Variants in PIK3AP1 observed in about 807,000 individuals in gnomAD.
PIK3AP1 encodes phosphoinositide-3-kinase adaptor protein 1, also known as phosphoinositide 3-kinase adapter protein 1.
Under a neutral mutation model 88.1 loss-of-function variants are expected in PIK3AP1, and 21 were observed. The observed-to-expected ratio is 0.24, with a 90% CI of 0.17 to 0.34. The LOEUF is 0.34. PIK3AP1 is among the 10% of genes least tolerant of loss of function. The pLI, the probability that PIK3AP1 is intolerant of heterozygous loss-of-function variation, is 1.00. For synonymous variants in PIK3AP1, 398 were observed against 400.0 expected (o/e 1.00, Z 0.06); for missense variants, 828 against 1,035.7 (o/e 0.80, Z 2.75).
intron 2 of PIK3AP1, among the ~76,000 whole-genome samples, chr10:96,661,837 A>C (rs1227978434): frequency 3.6e-4 from 47 of 129,618 alleles, no homozygotes; most frequent in Admixed American, 3.2e-3. Flanking sequence ...CAGGAAAGGA[A>C]AGGGAAAAGG....
chr10:96,636,914 ACC>A lies in PIK3AP1; in HGVS notation c.1376-8423_1376-8422del, dbSNP rs372006247. On this transcript the variant is annotated intron_variant, in intron 8 of 16. Coordinates refer to ENST00000339364, the MANE Select transcript of PIK3AP1 (RefSeq NM_152309.3). ...ACAGCAATAGTGAATTCTCAAAGAC[ACC>A]CATATGATACTCCTCCTGGGACACA... Among the ~76,000 whole-genome samples the A allele has an allele frequency of 6.6e-5, 10 of 152,218 alleles. No individual in the cohort carries two copies. The East Asian group carries it at 1.5e-3, about 23-fold the overall frequency.
intron 16 of PIK3AP1, among the ~76,000 whole-genome samples, chr10:96,598,528 C>G (rs7089654): frequency 0.99 from 151,236 of 152,248 alleles, 75,124 homozygotes; most frequent in Middle Eastern, 1. Context: ...GTATGTGCCA[C>G]TTACTCTGCC....
intron 2 of PIK3AP1, among the ~76,000 whole-genome samples, chr10:96,684,326 C>T (rs1844041114): frequency 6.6e-6 from 1 of 152,172 alleles, no homozygotes; most frequent in African/African-American, 2.4e-5. Context: ...ATAATATATA[C>T]AAGAAAAACG....
intron 2 of PIK3AP1, among the ~76,000 whole-genome samples, chr10:96,701,546 T>A (rs544457908): frequency 6.4e-4 from 98 of 152,318 alleles, no homozygotes; most frequent in Non-Finnish European, 9.3e-4. Flanking sequence ...ATTCATCTTC[T>A]TATGAATTAT....
chr10:96,690,823 T>G (rs746706970), intron 2 of PIK3AP1, among the ~76,000 whole-genome samples: 3 of 152,206 alleles, frequency 2.0e-5, no homozygotes, highest in Non-Finnish European at 4.4e-5. Context: ...ACCTGATCAA[T>G]TAGATCCTAC....
Position 96,635,033 on chromosome 10 carries a change from TCTTCCA to T in PIK3AP1, c.1376-6546_1376-6541del, listed in dbSNP as rs1347573294. 2.6e-5 allele frequency among the ~76,000 whole-genome samples: 4 copies of T among 152,240 alleles called. No individual in the cohort carries two copies. In the East Asian group the frequency reaches 7.7e-4, roughly 29 times the overall value. On this transcript the variant is annotated intron_variant, in intron 8 of 16. Transcript: ENST00000339364. ...CTCTCTGGTCTGTTTTCTGACGCCC[TCTTCCA>T]CTTTTAAGGACCTTTTTGATTATAT... is the stretch of plus-strand genomic sequence containing the variant.
intron 2 of PIK3AP1, among the ~76,000 whole-genome samples, chr10:96,671,178 T>C (rs1843840993): frequency 6.6e-6 from 1 of 152,258 alleles, no homozygotes. Flanking sequence ...CCTGGCCTTG[T>C]GTCCAGATTC....
At chr10:96,695,971 A>G (rs1844213571) in intron 2 of PIK3AP1, among the ~76,000 whole-genome samples, 1 of 152,184 alleles carries the variant, frequency 6.6e-6, no homozygotes. Flanking sequence ...CTGTTTAGAA[A>G]CACCCTATGT....
chr10:96,715,369 T>C (rs1300657343), intron 1 of PIK3AP1, among the ~76,000 whole-genome samples: 1 of 152,166 alleles, frequency 6.6e-6, no homozygotes, highest in African/African-American at 2.4e-5. Context: ...GATGGGCTCC[T>C]GGAACAGAAG....
intron 13 of PIK3AP1, among the ~76,000 whole-genome samples, chr10:96,612,359 T>C (rs142910172): frequency 2.0e-5 from 3 of 152,196 alleles, no homozygotes; most frequent in African/African-American, 7.2e-5. Context: ...GGCAAGTTAT[T>C]AAGAACAGTC....
chr10:96,653,160 G>A (rs953782240), intron 3 of PIK3AP1, among the ~76,000 whole-genome samples: 8 of 151,814 alleles, frequency 5.3e-5, no homozygotes, highest in South Asian at 4.2e-4. Flanking sequence ...TAATCTCAAC[G>A]CTTTGGGAGG....
chr10:96,650,437 C>T (rs1008659976), intron 6 of PIK3AP1, among the ~76,000 whole-genome samples: 1 of 152,200 alleles, frequency 6.6e-6, no homozygotes, highest in Non-Finnish European at 1.5e-5. Flanking sequence ...TCTCAGCTCC[C>T]AGCATGTCAC....
At chr10:96,629,150 CAT>C (rs1004220164) in intron 8 of PIK3AP1, among the ~76,000 whole-genome samples, 53 of 151,960 alleles carry the variant, frequency 3.5e-4, no homozygotes, top group African/African-American at 1.3e-3. Context: ...TTTCTATCAA[CAT>C]AGTTACTTTT....
chr10:96,620,310 G>A (rs372633498), intron 12 of PIK3AP1, 42 bp downstream of exon 12: 109 of 1,594,802 alleles, frequency 6.8e-5, no homozygotes, highest in Non-Finnish European at 8.8e-5. Flanking sequence ...ACTGTCAAGT[G>A]GGGAAATAGA....
intron 2 of PIK3AP1, among the ~76,000 whole-genome samples, chr10:96,670,265 T>A (rs1049285473): frequency 6.6e-6 from 1 of 151,800 alleles, no homozygotes; most frequent in Non-Finnish European, 1.5e-5. Context: ...CAAGCTCCCC[T>A]CGGTCAAATA....
intron 2 of PIK3AP1, among the ~76,000 whole-genome samples, chr10:96,695,303 G>A (rs1334548544): frequency 2.6e-5 from 4 of 152,352 alleles, no homozygotes; most frequent in Non-Finnish European, 4.4e-5. Flanking sequence ...TCTAAAAGCC[G>A]AGTCAACTGC....
At chr10:96,696,097 C>T (rs1307952898) in intron 2 of PIK3AP1, among the ~76,000 whole-genome samples, 3 of 152,142 alleles carry the variant, frequency 2.0e-5, no homozygotes, top group African/African-American at 7.2e-5. Context: ...TCAAAATGGT[C>T]CCAAGAGTTA....
At position 96,602,309 on chromosome 10, in the gene PIK3AP1, G is replaced by C; in HGVS notation, c.2331C>G (p.Pro777=). 1 of 1,606,266 alleles carries C rather than the reference G, an allele frequency of 6.2e-7. No individual in the cohort carries two copies. Among genetic ancestry groups the C allele is most frequent in the South Asian group, 1.1e-5 (1 of 89,966 alleles). The change falls in exon 16 of 17, where the codon CCC becomes CCG. Residue 777 remains proline (P), a synonymous_variant. Transcript: ENST00000339364. ...GTPTMSLERP[P]RVPPRAASQR... ...GTGAGGCAGCTCTCGGAGGCACCCTGGGGGGTCTCTCGAGGGACATGGTGG... is the reference window on the plus strand; with the variant it reads ...GTGAGGCAGCTCTCGGAGGCACCCTCGGGGGTCTCTCGAGGGACATGGTGG...
At chr10:96,661,448 G>C (rs1247411238) in intron 2 of PIK3AP1, among the ~76,000 whole-genome samples, 1 of 152,178 alleles carries the variant, frequency 6.6e-6, no homozygotes, top group Non-Finnish European at 1.5e-5. Context: ...CTTCGGGTGA[G>C]TGATAATGAT....
Sources: allele counts gnomAD v4.1 joint callset (sites outside exome capture counted in the v4.1 genomes callset), GRCh38; gene constraint gnomAD v4.1.1; transcripts MANE v1.5; gene names NCBI Gene and HGNC (gene_info 2026-07-23, HGNC 2026-07-21).